AFF3: variants seen among roughly 807,000 people sequenced by gnomAD.
AFF3 encodes the protein ALF transcription elongation factor 3, also known as AF4/FMR2 family member 3.
AFF3 carries 32 observed loss-of-function variants against 129.7 expected under a neutral mutation model. That is an observed-to-expected ratio of 0.25 (90% CI 0.19 to 0.33). AFF3 has a LOEUF of 0.33. Ranked by LOEUF, AFF3 falls within the 10% of genes least tolerant of loss-of-function variation. AFF3 has a pLI of 1.00. For missense variants in AFF3, 1,373 were observed against 1,592.0 expected (o/e 0.86, Z 2.34); for synonymous variants, 644 against 635.4 (o/e 1.01, Z -0.20).
At chr2:99,896,395 C>T (rs905057173) in intron 7 of AFF3, among the ~76,000 whole-genome samples, 1 of 151,998 alleles carries the variant, frequency 6.6e-6, no homozygotes, top group South Asian at 2.1e-4. Flanking sequence ...TCCTGACCCA[C>T]TCCCATGCTG....
intron 4 of AFF3, among the ~76,000 whole-genome samples, chr2:100,064,011 C>T (rs1399897447): frequency 3.9e-5 from 6 of 151,916 alleles, no homozygotes. Flanking sequence ...ATCACTTGAA[C>T]CCGGGAGGCG....
chr2:99,737,268 T>C (rs1680336307), intron 10 of AFF3, among the ~76,000 whole-genome samples: 1 of 152,188 alleles, frequency 6.6e-6, no homozygotes, highest in African/African-American at 2.4e-5. Flanking sequence ...ATATTATTAC[T>C]GGTGCATGCA....
chr2:100,002,767 A>T (rs1275423534), intron 7 of AFF3, among the ~76,000 whole-genome samples: 1 of 152,178 alleles, frequency 6.6e-6, no homozygotes, highest in Non-Finnish European at 1.5e-5. Context: ...ATTAAATTGC[A>T]AACAGAAAAC....
At chr2:99,636,755 G>T (rs1053476883) in intron 13 of AFF3, among the ~76,000 whole-genome samples, 2 of 152,210 alleles carry the variant, frequency 1.3e-5, no homozygotes, top group African/African-American at 4.8e-5. Flanking sequence ...GCACAGGAAA[G>T]GGAGTTGGAC....
chr2:100,092,994 C>A (rs1472790459), intron 4 of AFF3, among the ~76,000 whole-genome samples: 8 of 152,156 alleles, frequency 5.3e-5, no homozygotes, highest in Non-Finnish European at 1.2e-4. Flanking sequence ...ATGCTCATCT[C>A]AACCCAGACA....
Position 100,105,297 on chromosome 2 carries a change from A to C in AFF3, c.-65+207T>G, listed in dbSNP as rs948147651. ...TCCCCGGCCGCCCAGGCGCGGGGAG[A>C]GTGAGCTGTGCCGCCCGCAGCAGCG... is the stretch of plus-strand genomic sequence containing the variant. On this transcript the variant is annotated intron_variant, in intron 3 of 24. Transcript: ENST00000672756. 8.3e-5 allele frequency: 98 copies of C among 1,184,312 alleles called. No homozygotes were observed. In the South Asian group the frequency reaches 1.5e-3, roughly 18 times the overall value. 73.4% of individuals were successfully genotyped at this position (1,184,312 alleles called of 1,614,324 possible). A position where few individuals can be genotyped will look rare whatever the true frequency, so the allele number is the denominator to read the frequency against.
chr2:99,868,224 A>G (rs975191837), intron 7 of AFF3, among the ~76,000 whole-genome samples: 15 of 152,128 alleles, frequency 9.9e-5, no homozygotes, highest in African/African-American at 3.6e-4. Context: ...GAAATAAACT[A>G]TTGCAGAAGC....
intron 10 of AFF3, among the ~76,000 whole-genome samples, chr2:99,728,422 A>T (rs952012066): frequency 2.0e-4 from 31 of 152,202 alleles, no homozygotes; most frequent in Admixed American, 5.2e-4. Flanking sequence ...CACACATTGT[A>T]CCATACCCCT....
intron 4 of AFF3, among the ~76,000 whole-genome samples, chr2:100,082,051 AT>A (rs577896976): frequency 6.6e-6 from 1 of 152,106 alleles, no homozygotes; most frequent in Non-Finnish European, 1.5e-5. Context: ...TGATTTAGGG[AT>A]TTTTTTAATA....
At chr2:100,086,286 G>A (rs910181429) in intron 4 of AFF3, among the ~76,000 whole-genome samples, 4 of 152,286 alleles carry the variant, frequency 2.6e-5, no homozygotes, top group Admixed American at 2.6e-4. Context: ...ACTTTGGGAG[G>A]CCGAGGTGGG....
chr2:99,684,131 A>T (rs573207839), intron 11 of AFF3, among the ~76,000 whole-genome samples: 1 of 152,334 alleles, frequency 6.6e-6, no homozygotes, highest in Admixed American at 6.5e-5. Flanking sequence ...TTAAGGCCTA[A>T]GACTCATAAC....
intron 4 of AFF3, among the ~76,000 whole-genome samples, chr2:100,077,417 G>A (rs1688668720): frequency 6.6e-6 from 1 of 152,014 alleles, no homozygotes; most frequent in South Asian, 2.1e-4. Flanking sequence ...TCAGAATGTG[G>A]AGCTCCTCTA....
Position 99,682,964 on chromosome 2 carries a change from T to C in AFF3, c.1092-10375A>G, listed in dbSNP as rs141913590. Among the ~76,000 whole-genome samples the C allele has an allele frequency of 1.8e-4, 27 of 152,338 alleles. No homozygotes were observed. In the East Asian group the frequency reaches 5.2e-3, roughly 29 times the overall value. Reference sequence around the variant, plus strand: ...TACTGTTAGCAGTTTTCTGTTATTCTTGCATTTATTGATTTCTTGAAATGA... The same window carrying C: ...TACTGTTAGCAGTTTTCTGTTATTCCTGCATTTATTGATTTCTTGAAATGA... On this transcript the variant is annotated intron_variant, in intron 11 of 24. Coordinates refer to ENST00000672756, the MANE Select transcript of AFF3 (RefSeq NM_001386135.1).
At chr2:99,914,222 G>A (rs113048294) in intron 7 of AFF3, among the ~76,000 whole-genome samples, 221 of 152,272 alleles carry the variant, frequency 1.5e-3, no homozygotes, top group African/African-American at 5.0e-3. Context: ...AACTGAGAAG[G>A]ACCAGCATCT....
At chr2:99,762,802 G>A (rs1216856967) in intron 8 of AFF3, among the ~76,000 whole-genome samples, 1 of 152,184 alleles carries the variant, frequency 6.6e-6, no homozygotes, top group Non-Finnish European at 1.5e-5. Context: ...TGAATTCTGC[G>A]ACTTGGGAAT....
chr2:99,839,552 C>G (rs1035113877), intron 7 of AFF3, among the ~76,000 whole-genome samples: 1 of 152,128 alleles, frequency 6.6e-6, no homozygotes, highest in Non-Finnish European at 1.5e-5. Context: ...TAATAGCTAT[C>G]CTAGTGGATA....
intron 7 of AFF3, among the ~76,000 whole-genome samples, chr2:99,879,056 A>T (rs912532530): frequency 2.6e-5 from 4 of 152,238 alleles, no homozygotes; most frequent in African/African-American, 9.6e-5. Context: ...ATCTGCGGGT[A>T]AGAAGCACTG....
chr2:99,900,886 C>T (rs761469084), intron 7 of AFF3, among the ~76,000 whole-genome samples: 18 of 152,188 alleles, frequency 1.2e-4, no homozygotes, highest in South Asian at 1.0e-3. Context: ...AATTCCGTGA[C>T]GGCAGGTTGC....
At chr2:99,937,747 G>T (rs557326589) in intron 7 of AFF3, among the ~76,000 whole-genome samples, 54 of 152,304 alleles carry the variant, frequency 3.5e-4, no homozygotes, top group Middle Eastern at 6.8e-3. Context: ...TAGAATAACA[G>T]ACTTTGCTTA....
Sources: allele counts gnomAD v4.1 joint callset (sites outside exome capture counted in the v4.1 genomes callset), GRCh38; gene constraint gnomAD v4.1.1; transcripts MANE v1.5; gene names NCBI Gene and HGNC (gene_info 2026-07-23, HGNC 2026-07-21).